The following VPS50 variants were observed in gnomAD, a reference collection of about 807,000 sequenced individuals.
The protein encoded by VPS50 is syndetin.
Under a neutral mutation model 139.7 loss-of-function variants are expected in VPS50, and 70 were observed. That is an observed-to-expected ratio of 0.50 (90% CI 0.41 to 0.61). VPS50 has a LOEUF of 0.61. Ranked by LOEUF, VPS50 falls within the 20% of genes least tolerant of loss-of-function variation. VPS50 has a pLI of 0.00. For missense variants in VPS50, 921 were observed against 1,133.7 expected (o/e 0.81, Z 2.69); for synonymous variants, 365 against 376.7 (o/e 0.97, Z 0.36).
intron 21 of VPS50, among the ~76,000 whole-genome samples, chr7:93,331,516 G>A (rs1335224164): frequency 1.3e-5 from 2 of 151,600 alleles, no homozygotes; most frequent in East Asian, 3.9e-4. Context: ...AAGTGGTGTG[G>A]GTACACTTGG....
chr7:93,278,120 G>C (rs1307683737), intron 12 of VPS50, among the ~76,000 whole-genome samples: 1 of 151,962 alleles, frequency 6.6e-6, no homozygotes, highest in East Asian at 1.9e-4. Flanking sequence ...TTCTTTTATT[G>C]ACCATTTTTA....
chr7:93,348,233 A>C (rs1346445073), intron 23 of VPS50, among the ~76,000 whole-genome samples: 1 of 152,206 alleles, frequency 6.6e-6, no homozygotes, highest in African/African-American at 2.4e-5. Flanking sequence ...GGCACCTGTC[A>C]TTCATCTGTG....
chr7:93,324,567 T>TAGAACCAAAGACAAAAACCAC (rs1332172811), intron 21 of VPS50, among the ~76,000 whole-genome samples: 4 of 152,230 alleles, frequency 2.6e-5, no homozygotes, highest in African/African-American at 9.6e-5. Flanking sequence ...TCTTTGGTTC[T>TAGAACCAAAGACAAAAACCAC]GTTTATATGC....
chr7:93,239,725 C>T, intron 1 of VPS50, 141 bp from the exon 2 acceptor site: 1 of 522,394 alleles, frequency 1.9e-6, no homozygotes, highest in African/African-American at 1.9e-5. Flanking sequence ...ATGATGATTG[C>T]TTTTAGAATA....
chr7:93,345,599 T>C, intron 23 of VPS50, among the ~76,000 whole-genome samples: 1 of 152,136 alleles, frequency 6.6e-6, no homozygotes. Context: ...GCAAACCGAA[T>C]CCAGCAGCAC....
chr7:93,355,122 A>ATT (rs765486788), intron 26 of VPS50, among the ~76,000 whole-genome samples: 43 of 145,174 alleles, frequency 3.0e-4, no homozygotes, highest in Non-Finnish European at 4.8e-4. Context: ...TCTTTTTTAA[A>ATT]AAAAAAAAAA....
chr7:93,331,573 A>G (rs1041062807), intron 21 of VPS50, among the ~76,000 whole-genome samples: 3 of 152,172 alleles, frequency 2.0e-5, no homozygotes, highest in African/African-American at 4.8e-5. Context: ...TTCATACCAT[A>G]CACAAGAATA....
chr7:93,278,990 G>A (rs1034208636), intron 12 of VPS50, among the ~76,000 whole-genome samples: 2 of 152,068 alleles, frequency 1.3e-5, no homozygotes, highest in Non-Finnish European at 2.9e-5. Flanking sequence ...GGTTCGAATT[G>A]GTGAGAATAA....
At chr7:93,242,092 A>T (rs1584377350) in intron 2 of VPS50, among the ~76,000 whole-genome samples, 2 of 151,964 alleles carry the variant, frequency 1.3e-5, no homozygotes, top group East Asian at 3.9e-4. Context: ...TTAAAAAAAA[A>T]ATCACAAAAA....
In VPS50 at chr7:93,239,736, T is replaced by TATC. The variant is rs1794922741; in HGVS notation, c.34-129_34-127dup. 3 of 547,244 alleles carry TATC rather than the reference T, an allele frequency of 5.5e-6. No homozygotes were observed. The Middle Eastern group carries it at 1.6e-3, about 287-fold the overall frequency. 33.9% of individuals were successfully genotyped at this position (547,244 alleles called of 1,614,324 possible). ...TTAAATGATGATTGCTTTTAGAATA[T>TATC]ATCTTCCATATTTTGAAGCAGGAAA... On this transcript the variant is annotated intron_variant, in intron 1 of 27. Transcript: ENST00000305866.
chr7:93,288,624 T>C (rs1442142101), intron 12 of VPS50, among the ~76,000 whole-genome samples: 3 of 152,154 alleles, frequency 2.0e-5, no homozygotes, highest in Non-Finnish European at 1.5e-5. Context: ...CATCACAGCC[T>C]TGCCAACAGA....
chr7:93,274,363 A>G (rs967407111), intron 11 of VPS50, among the ~76,000 whole-genome samples: 1 of 152,110 alleles, frequency 6.6e-6, no homozygotes, highest in Non-Finnish European at 1.5e-5. Context: ...GCATGTGAAG[A>G]CTTTAAGTTG....
At chr7:93,277,709 A>G (rs1178816618) in intron 12 of VPS50, among the ~76,000 whole-genome samples, 1 of 152,132 alleles carries the variant, frequency 6.6e-6, no homozygotes, top group Non-Finnish European at 1.5e-5. Flanking sequence ...TGTTTTACAG[A>G]TTTTATGATT....
chr7:93,269,082 G>C (rs1012042388), intron 9 of VPS50, among the ~76,000 whole-genome samples: 1 of 152,142 alleles, frequency 6.6e-6, no homozygotes, highest in African/African-American at 2.4e-5. Flanking sequence ...AGAAGGAACA[G>C]CTCTGAGGGA....
chr7:93,317,847 T>C (rs1412991330), intron 20 of VPS50, among the ~76,000 whole-genome samples: 1 of 152,204 alleles, frequency 6.6e-6, no homozygotes, highest in Non-Finnish European at 1.5e-5. Flanking sequence ...AGTATCCTTG[T>C]TTCGGATACT....
At chr7:93,313,437 C>CAAATA (rs1295820876) in intron 20 of VPS50, among the ~76,000 whole-genome samples, 3 of 152,044 alleles carry the variant, frequency 2.0e-5, no homozygotes, top group African/African-American at 7.2e-5. Context: ...TCATTATAAT[C>CAAATA]AAATAAAATA....
At chr7:93,242,700 C>T (rs867841904) in intron 2 of VPS50, among the ~76,000 whole-genome samples, 2 of 151,892 alleles carry the variant, frequency 1.3e-5, no homozygotes, top group Admixed American at 6.6e-5. Flanking sequence ...AAAACATATG[C>T]CTGGTCTTCA....
intron 22 of VPS50, among the ~76,000 whole-genome samples, chr7:93,336,512 A>G (rs974583181): frequency 1.3e-5 from 2 of 152,114 alleles, no homozygotes; most frequent in African/African-American, 4.8e-5. Context: ...CCTTTAGCCA[A>G]CTTATTTATT....
rs190394311 is a variant in VPS50, at chr7:93,304,889, T to G, written c.1453-939T>G. 1.6e-4 allele frequency among the ~76,000 whole-genome samples: 24 copies of G among 151,982 alleles called. No individual in the cohort carries two copies. The East Asian group carries it at 4.6e-3, about 29-fold the overall frequency. ...AGAATTATAAAAATAATGGCATGAT[T>G]CTTAGGCATTATAATATATATGATT... On this transcript the variant is annotated intron_variant, in intron 17 of 27. Coordinates refer to ENST00000305866, the MANE Select transcript of VPS50 (RefSeq NM_017667.4).
Sources: gnomAD v4.1 joint callset for allele counts (sites outside exome capture counted in the v4.1 genomes callset) on GRCh38, gnomAD v4.1.1 for gene constraint, MANE v1.5 for transcripts, NCBI Gene and HGNC (gene_info 2026-07-23, HGNC 2026-07-21) for gene names.